Variants in FSIP1 observed in about 807,000 individuals in gnomAD.
The protein encoded by FSIP1 is fibrous sheath interacting protein 1.
A neutral mutation model predicts 60.9 loss-of-function variants in FSIP1; 65 were observed. The ratio of observed to expected loss-of-function variants is 1.07; its 90% CI spans 0.87 to 1.31. FSIP1 has a LOEUF of 1.31. Ranked by LOEUF, FSIP1 falls within the 40% of genes most tolerant of loss-of-function variation. FSIP1 has a pLI of 0.00. For missense variants in FSIP1, 675 were observed against 665.5 expected (o/e 1.01, Z -0.16); for synonymous variants, 209 against 221.2 (o/e 0.94, Z 0.49).
chr15:39,672,727 AAGACCACAT>A (rs1457212171), intron 10 of FSIP1, among the ~76,000 whole-genome samples: 1 of 152,336 alleles, frequency 6.6e-6, no homozygotes, highest in East Asian at 1.9e-4. Context: ...AAAATTTCTG[AAGACCACAT>A]AGCTGGTAAG....
intron 9 of FSIP1, among the ~76,000 whole-genome samples, chr15:39,720,698 T>A (rs890002498): frequency 6.6e-6 from 1 of 152,242 alleles, no homozygotes; most frequent in African/African-American, 2.4e-5. Flanking sequence ...AATCTGATAC[T>A]TCTACGAATA....
At chr15:39,663,811 C>T (rs574041062) in intron 10 of FSIP1, among the ~76,000 whole-genome samples, 1 of 152,296 alleles carries the variant, frequency 6.6e-6, no homozygotes, top group East Asian at 1.9e-4. Flanking sequence ...TAAAATGTTT[C>T]TTACAGGCAT....
chr15:39,667,491 T>G (rs1254158574), intron 10 of FSIP1, among the ~76,000 whole-genome samples: 1 of 152,138 alleles, frequency 6.6e-6, no homozygotes, highest in East Asian at 1.9e-4. Flanking sequence ...TTAAGCCCTT[T>G]ATTCAAAAAG....
intron 5 of FSIP1, among the ~76,000 whole-genome samples, chr15:39,759,655 T>C (rs78446555): frequency 0.016 from 2,423 of 152,210 alleles, 80 homozygotes; most frequent in African/African-American, 0.055. Flanking sequence ...CTCTCACAGT[T>C]CTGGAGGCCA....
intron 5 of FSIP1, among the ~76,000 whole-genome samples, chr15:39,757,094 T>C (rs1374930455): frequency 3.3e-5 from 5 of 152,084 alleles, no homozygotes; most frequent in African/African-American, 1.2e-4. Flanking sequence ...TACAAGTGCC[T>C]GAAACTGTGC....
intron 10 of FSIP1, among the ~76,000 whole-genome samples, chr15:39,653,144 G>A (rs1566870538): frequency 3.5e-5 from 5 of 144,446 alleles, no homozygotes; most frequent in Admixed American, 2.1e-4. Flanking sequence ...CCAGTGCACC[G>A]TAGCCTGTGT....
chr15:39,744,430 C>G (rs1364427131), intron 5 of FSIP1, among the ~76,000 whole-genome samples: 1 of 152,026 alleles, frequency 6.6e-6, no homozygotes, highest in African/African-American at 2.4e-5. Context: ...AAAGCCCATC[C>G]CAAATAAGGA....
intron 5 of FSIP1, among the ~76,000 whole-genome samples, chr15:39,759,410 A>G (rs1897413369): frequency 6.6e-6 from 1 of 152,204 alleles, no homozygotes; most frequent in Non-Finnish European, 1.5e-5. Flanking sequence ...TTAAATAAAC[A>G]AAGCTTAAAA....
At position 39,675,921 on chromosome 15, in the gene FSIP1, T is replaced by C. The variant is rs138388168; in HGVS notation, c.1188+37523A>G. On this transcript the variant is annotated intron_variant, in intron 10 of 11. Transcript: ENST00000350221. ...CTTAAGAATGAATATCCTAGCGCTT[T>C]GGAAGGCTGAGGCAGGTGGATTGCC... is the stretch of plus-strand genomic sequence containing the variant. Among the ~76,000 whole-genome samples, 914 of 151,768 alleles carry C rather than the reference T, an allele frequency of 6.0e-3. 9 individuals carry two copies. Among genetic ancestry groups the C allele is most frequent in the African/African-American group, 0.021 (860 of 41,322 alleles).
At chr15:39,717,520 C>T (rs1380268480) in intron 9 of FSIP1, among the ~76,000 whole-genome samples, 2 of 152,168 alleles carry the variant, frequency 1.3e-5, no homozygotes, top group African/African-American at 2.4e-5. Context: ...TAACAGAGGA[C>T]ACACTTAGAG....
At chr15:39,765,396 A>G (rs1897648837) in intron 4 of FSIP1, among the ~76,000 whole-genome samples, 196 bp downstream of exon 4, 1 of 151,952 alleles carries the variant, frequency 6.6e-6, no homozygotes, top group South Asian at 2.1e-4. Context: ...ACGTACTACC[A>G]TGCCTGGCTA....
At chr15:39,604,017 C>A (rs1890735160) in intron 11 of FSIP1, among the ~76,000 whole-genome samples, 1 of 152,180 alleles carries the variant, frequency 6.6e-6, no homozygotes. Context: ...CCGCAACCTC[C>A]ACCTCCCGAG....
intron 11 of FSIP1, among the ~76,000 whole-genome samples, chr15:39,615,233 T>A (rs1891180789): frequency 6.6e-6 from 1 of 151,718 alleles, no homozygotes; most frequent in Non-Finnish European, 1.5e-5. Context: ...AATACGACCT[T>A]GAAGGCACAG....
intron 10 of FSIP1, among the ~76,000 whole-genome samples, chr15:39,697,977 T>A (rs921997486): frequency 6.6e-6 from 1 of 151,670 alleles, no homozygotes; most frequent in South Asian, 2.1e-4. Context: ...AAAATTAGAA[T>A]GTTGGGGAAA....
chr15:39,780,203 G>A (rs1464520190), intron 1 of FSIP1, among the ~76,000 whole-genome samples: 1 of 152,168 alleles, frequency 6.6e-6, no homozygotes, highest in Admixed American at 6.5e-5. Context: ...ATGGCATGGT[G>A]CTTTGCAACT....
intron 11 of FSIP1, among the ~76,000 whole-genome samples, chr15:39,616,067 A>G (rs1891219091): frequency 6.6e-6 from 1 of 152,236 alleles, no homozygotes; most frequent in Non-Finnish European, 1.5e-5. Context: ...ACAAATGTAT[A>G]TAATTATGCC....
At chr15:39,691,304 G>A (rs918270551) in intron 10 of FSIP1, among the ~76,000 whole-genome samples, 7 of 152,192 alleles carry the variant, frequency 4.6e-5, no homozygotes, top group Non-Finnish European at 8.8e-5. Context: ...AAGTAGATGG[G>A]GATGCAACTG....
At chr15:39,780,201 G>A (rs1898205407) in intron 1 of FSIP1, among the ~76,000 whole-genome samples, 1 of 152,192 alleles carries the variant, frequency 6.6e-6, no homozygotes, top group South Asian at 2.1e-4. Context: ...AAATGGCATG[G>A]TGCTTTGCAA....
chr15:39,741,673 T>C, intron 6 of FSIP1, 132 bp downstream of exon 6: 1 of 529,832 alleles, frequency 1.9e-6, no homozygotes, highest in Non-Finnish European at 3.4e-6. Context: ...CAATCTTGTG[T>C]CATCTTGAAC....
Sources: allele counts gnomAD v4.1 joint callset (sites outside exome capture counted in the v4.1 genomes callset), GRCh38; gene constraint gnomAD v4.1.1; transcripts MANE v1.5; gene names NCBI Gene and HGNC (gene_info 2026-07-23, HGNC 2026-07-21).